The following CHD4 variants were observed in gnomAD, a reference collection of about 807,000 sequenced individuals.
The protein encoded by CHD4 is chromodomain helicase DNA binding protein 4.
A neutral mutation model predicts 235.5 loss-of-function variants in CHD4; 35 were observed. The ratio of observed to expected loss-of-function variants is 0.15; its 90% CI spans 0.11 to 0.20. The LOEUF (loss-of-function observed/expected upper bound fraction) is 0.20, where lower values mean the gene tolerates loss of function less well. Ranked by LOEUF, CHD4 falls within the 10% of genes least tolerant of loss-of-function variation. The probability of loss-of-function intolerance (pLI) is 1.00; values close to 1 mark genes in which losing one functional copy is unlikely to be tolerated. For synonymous variants in CHD4, 900 were observed against 850.2 expected (o/e 1.06, Z -1.02); for missense variants, 1,329 against 2,432.3 (o/e 0.55, Z 9.54).
At chr12:6,571,074 G>A (rs1348987557) in intron 38 of CHD4, 42 bp from the exon 39 acceptor site, 2 of 1,603,816 alleles carry the variant, frequency 1.2e-6, no homozygotes, top group Admixed American at 3.4e-5. Context: ...TGGTGGCCCA[G>A]ACTGAGCTCC....
intron 7 of CHD4, 25 bp from the exon 8 acceptor site, chr12:6,600,694 T>A: frequency 6.2e-7 from 1 of 1,612,846 alleles, no homozygotes. Flanking sequence ...AAGAATAAGG[T>A]TAGACGTTCA....
chr12:6,576,530 G>T (rs750723824), intron 37 of CHD4, among the ~76,000 whole-genome samples: 1 of 152,168 alleles, frequency 6.6e-6, no homozygotes, highest in Non-Finnish European at 1.5e-5. Context: ...GCCCGAGCTA[G>T]TCTTGAACTC....
chr12:6,578,699 C>T, intron 34 of CHD4, 147 bp downstream of exon 34: 8 of 1,381,570 alleles, frequency 5.8e-6, no homozygotes, highest in Non-Finnish European at 8.1e-6. Context: ...CATTGGCCCA[C>T]TGACAACTAA....
chr12:6,604,136 A>T (rs1198941185), intron 2 of CHD4, among the ~76,000 whole-genome samples: 1 of 152,058 alleles, frequency 6.6e-6, no homozygotes, highest in African/African-American at 2.4e-5. Context: ...TTAGCCAGGC[A>T]TGGTGGTGGG....
intron 12 of CHD4, among the ~76,000 whole-genome samples, chr12:6,597,295 A>AT (rs892061187): frequency 1.3e-5 from 2 of 151,734 alleles, no homozygotes; most frequent in African/African-American, 4.8e-5. Context: ...AATAAAATAA[A>AT]TAAATAAAGA....
rs1236219557 is a variant in CHD4 at position 6,592,722 on chromosome 12, G to C, written c.2748C>G (p.Leu916=). 2 of 1,613,946 alleles carry C rather than the reference G, an allele frequency of 1.2e-6. No individual in the cohort carries two copies. The highest frequency in any genetic ancestry group is 1.7e-6 in the Non-Finnish European group (2 of 1,179,914). ...QNNLEELFHL[L]NFLTPERFHN... ...GGAACCTCTCGGGGGTGAGAAAGTTGAGCAGATGAAACAACTCTTCCAGAT... is the reference window on the plus strand; with the variant it reads ...GGAACCTCTCGGGGGTGAGAAAGTTCAGCAGATGAAACAACTCTTCCAGAT... Residue 916 remains leucine, a synonymous_variant, in exon 18 of 40, where the codon CTC becomes CTG. Transcript: ENST00000544040.
rs1288508376 is a variant in CHD4, at chr12:6,570,396, TG to T, written c.*279del. ...TGGCAGGAACCCACAACAGTTTGTG[TG>T]TAACAGGCGTTACAGTGGGGAGAAG... On this transcript the variant is annotated 3_prime_UTR_variant, in exon 40 of 40. Transcript: ENST00000544040. The T allele has an allele frequency of 2.0e-6, 1 of 491,176 alleles. No homozygotes were observed. Among genetic ancestry groups the T allele is most frequent in the African/African-American group, 2.0e-5 (1 of 51,146 alleles). The allele number at this position is 491,176 out of a possible 1,614,324, so 30.4% of individuals were successfully genotyped here.
rs1948535656 is a variant in CHD4 at position 6,598,440 on chromosome 12, G to C, written c.1483-15C>G. ...AGAGCTGGACACTGAGAGAAAAAGA[G>C]ACAACTTAATCTCAAATCATAACCA... On this transcript the variant is annotated splice_polypyrimidine_tract_variant and intron_variant, in intron 10 of 39. Transcript: ENST00000544040. 11 of 1,572,358 alleles carry C rather than the reference G, an allele frequency of 7.0e-6. No homozygotes were observed. The highest frequency in any genetic ancestry group is 9.5e-6 in the Non-Finnish European group (11 of 1,155,582).
intron 2 of CHD4, chr12:6,602,793 C>G (rs1298229855): frequency 7.3e-6 from 2 of 272,528 alleles, no homozygotes; most frequent in Non-Finnish European, 1.4e-5. Context: ...ACCAGTACAG[C>G]TGAACTGAGC....
chr12:6,572,037 A>C (rs1376035396), intron 38 of CHD4: 1 of 151,058 alleles, frequency 6.6e-6, no homozygotes, highest in African/African-American at 2.4e-5. Flanking sequence ...GAGGCAGGAG[A>C]ATCACCTGAA....
rs1156927798 is a variant in CHD4 at position 6,601,478 on chromosome 12, C to T, written c.610G>A (p.Val204Ile). The stretch of plus-strand genomic sequence containing the variant: ...AACTCCCGCCATTTTGCACCCAAAA[C>T]CATCATCATCTTGGAGACAGCAATC... ...PKIAVSKMMM[V>I]LGAKWREFST... The change falls in exon 6 of 40, where the codon GTT (valine) becomes ATT (isoleucine). Residue 204 changes from valine to isoleucine, a missense_variant. By Grantham distance (29) the Val-to-Ile change is conservative (BLOSUM62 3). This residue lies in a region of CHD4 where 39 missense variants were observed against 86.6 expected (regional missense o/e 0.45). Coordinates refer to ENST00000544040, the MANE Select transcript of CHD4 (RefSeq NM_001273.5). The T allele has an allele frequency of 6.2e-7, 1 of 1,614,036 alleles. No individual in the cohort carries two copies. Among genetic ancestry groups the T allele is most frequent in the Non-Finnish European group, 8.5e-7 (1 of 1,180,040 alleles).
At chr12:6,580,710 A>AAAAACAAAAAAC (rs1948167345) in intron 33 of CHD4, 2 of 196,072 alleles carry the variant, frequency 1.0e-5, no homozygotes, top group Non-Finnish European at 1.9e-5. Context: ...CTTTGAAAAA[A>AAAAACAAAAAAC]AAAAAAAAAA....
intron 37 of CHD4, 142 bp downstream of exon 37, chr12:6,577,643 T>C (rs1239890565): frequency 3.7e-6 from 4 of 1,093,022 alleles, no homozygotes; most frequent in Non-Finnish European, 5.3e-6. Context: ...AACCCTAATG[T>C]GTAAGTTACT....
At position 6,598,145 on chromosome 12, in the gene CHD4, T is replaced by G. The variant is rs1398549094; in HGVS notation, c.1687-46A>C. 3 of 1,612,144 alleles carry G rather than the reference T, an allele frequency of 1.9e-6. No homozygotes were observed. The East Asian group carries it at 6.7e-5, about 36-fold the overall frequency. ...TCAGCCACCAAGAAGCTGTGTTCAT[T>G]CCTTCTATCCACAAGGCTCTTTTGT... is the stretch of plus-strand genomic sequence containing the variant. On this transcript the variant is annotated intron_variant, in intron 11 of 39. Coordinates refer to ENST00000544040, the MANE Select transcript of CHD4 (RefSeq NM_001273.5).
intron 2 of CHD4, among the ~76,000 whole-genome samples, chr12:6,603,414 G>A (rs1247287017): frequency 6.6e-6 from 1 of 152,128 alleles, no homozygotes; most frequent in Non-Finnish European, 1.5e-5. Context: ...GGTGGGTAGA[G>A]AAAGGAGTGG....
chr12:6,606,370 C>T lies in CHD4; in HGVS notation c.4G>A (p.Ala2Thr), dbSNP rs775138409. 5.7e-6 allele frequency: 9 copies of T among 1,569,624 alleles called. No homozygotes were observed. The highest frequency in any genetic ancestry group is 6.9e-6 in the Non-Finnish European group (8 of 1,160,900). Residue 2 changes from alanine to threonine, a missense_variant, in exon 2 of 40, where the codon GCG becomes ACG. Around this residue, in one of 26 missense-constraint regions of CHD4, gnomAD observed 213 missense variants for 177.5 expected, o/e 1.20. Coordinates refer to ENST00000544040, the MANE Select transcript of CHD4 (RefSeq NM_001273.5). MASGLGSPSPCS... is the reference protein window; with the variant it reads MTSGLGSPSPCS... ...GGGGACGGGGAGCCCAGGCCCGACG[C>T]CATCCCCTTCCGCTCCCGGCCAGGG...
In CHD4 at chr12:6,602,349, C is replaced by G. The variant is rs756035048; in HGVS notation, c.222+27G>C. ...GAGCTCCTCCCTTCTTCCTCTGATT[C>G]CCCGTAACATTCAGTCACCCACTCA... On this transcript the variant is annotated intron_variant, in intron 3 of 39. Transcript: ENST00000544040. The G allele has an allele frequency of 2.5e-6, 4 of 1,611,820 alleles. No individual in the cohort carries two copies. The South Asian group carries it at 4.4e-5, about 18-fold the overall frequency.
intron 22 of CHD4, among the ~76,000 whole-genome samples, chr12:6,589,459 TATG>T (rs1205614724): frequency 6.6e-6 from 1 of 152,182 alleles, no homozygotes; most frequent in Non-Finnish European, 1.5e-5. Flanking sequence ...CGTCCCCCAG[TATG>T]ATGAACTGAA....
At chr12:6,606,106 C>A (rs1592287090) in intron 2 of CHD4, among the ~76,000 whole-genome samples, 168 bp downstream of exon 2, 1 of 152,224 alleles carries the variant, frequency 6.6e-6, no homozygotes, top group African/African-American at 2.4e-5. Context: ...TGGCTTCCAC[C>A]CCCCTCACAC....
Sources: allele counts gnomAD v4.1 joint callset (sites outside exome capture counted in the v4.1 genomes callset), GRCh38; gene constraint gnomAD v4.1.1; regional missense constraint gnomAD v4.1.1; transcripts MANE v1.5; gene names NCBI Gene and HGNC (gene_info 2026-07-23, HGNC 2026-07-21).